The following PCDHGA4 variants were observed in gnomAD, a reference collection of about 807,000 sequenced individuals.
The protein encoded by PCDHGA4 is protocadherin gamma-A4.
PCDHGA4 carries 38 observed loss-of-function variants against 54.6 expected under a neutral mutation model. That is an observed-to-expected ratio of 0.70 (90% CI 0.54 to 0.91). The LOEUF (loss-of-function observed/expected upper bound fraction) is 0.91. PCDHGA4 is among the 40% of genes least tolerant of loss of function. The probability of loss-of-function intolerance (pLI) is 0.00; values close to 1 mark genes in which losing one functional copy is unlikely to be tolerated. For synonymous variants in PCDHGA4, 511 were observed against 512.9 expected (o/e 1.00, Z 0.05); for missense variants, 1,298 against 1,220.9 (o/e 1.06, Z -0.94).
intron 1 of PCDHGA4, chr5:141,391,295 G>A (rs1373471979): frequency 6.6e-6 from 1 of 151,134 alleles, no homozygotes; most frequent in Non-Finnish European, 1.5e-5. Context: ...AGAAGGAAAC[G>A]TCTTTCGATT....
intron 1 of PCDHGA4, chr5:141,361,534 C>T (rs1251295002): frequency 2.5e-6 from 4 of 1,614,058 alleles, no homozygotes; most frequent in Non-Finnish European, 2.5e-6. Flanking sequence ...GAACAATCCT[C>T]CTGGCGCCTC....
intron 2 of PCDHGA4, among the ~76,000 whole-genome samples, chr5:141,499,133 T>C (rs1443866975): frequency 6.6e-6 from 1 of 152,184 alleles, no homozygotes; most frequent in East Asian, 1.9e-4. Context: ...GGTCATCCTT[T>C]GGGTGTCTGA....
intron 2 of PCDHGA4, among the ~76,000 whole-genome samples, chr5:141,495,233 A>G (rs1226612093): frequency 1.3e-5 from 2 of 152,196 alleles, no homozygotes; most frequent in African/African-American, 4.8e-5. Flanking sequence ...GCTGGGCTCC[A>G]TTATGACCTG....
chr5:141,431,036 G>A lies in PCDHGA4; in HGVS notation c.2515-63771G>A. The A allele has an allele frequency of 6.2e-7, 1 of 1,614,204 alleles. No individual in the cohort carries two copies. Among genetic ancestry groups the A allele is most frequent in the Non-Finnish European group, 8.5e-7 (1 of 1,180,034 alleles). ...GGTCACGGCGGGCAGGATAGACCGG[G>A]AGGAGCTCTGTATGGGGGCCATCAA... On this transcript the variant is annotated intron_variant, in intron 1 of 3. Coordinates refer to ENST00000571252, the MANE Select transcript of PCDHGA4 (RefSeq NM_018917.4). This position sits in a 1 kb window ranked among gnomAD's most constrained non-coding sequence, Gnocchi z 4.8.
At chr5:141,370,392 G>C (rs773955179) in intron 1 of PCDHGA4, 2 of 1,544,790 alleles carry the variant, frequency 1.3e-6, no homozygotes, top group Non-Finnish European at 1.7e-6. Flanking sequence ...CGCAGAGAGC[G>C]GGATGGGAAA....
intron 1 of PCDHGA4, chr5:141,376,115 C>A: frequency 1.2e-6 from 2 of 1,613,870 alleles, no homozygotes; most frequent in Non-Finnish European, 8.5e-7. Flanking sequence ...CCTGGGCAGC[C>A]TCGAGCCCTC....
chr5:141,377,395 C>T (rs1468880998), intron 1 of PCDHGA4: 1 of 151,984 alleles, frequency 6.6e-6, no homozygotes, highest in Non-Finnish European at 1.5e-5. Context: ...CCCTTGAGAC[C>T]AGGAGTTTGA....
At chr5:141,480,649 C>A (rs2099522804) in intron 1 of PCDHGA4, among the ~76,000 whole-genome samples, 1 of 152,184 alleles carries the variant, frequency 6.6e-6, no homozygotes, top group Non-Finnish European at 1.5e-5. Flanking sequence ...AACTTGGTTG[C>A]ACATTAAAAT....
At chr5:141,368,236 C>G (rs1444187989) in intron 1 of PCDHGA4, among the ~76,000 whole-genome samples, 1 of 152,160 alleles carries the variant, frequency 6.6e-6, no homozygotes, top group Non-Finnish European at 1.5e-5. Context: ...CTACATTACT[C>G]AACCACATGA....
At position 141,488,726 on chromosome 5, in the gene PCDHGA4, G is replaced by A. The variant is rs1562126303; in HGVS notation, c.2515-6081G>A. 2.0e-5 allele frequency among the ~76,000 whole-genome samples: 3 copies of A among 152,194 alleles called. No homozygotes were observed. The South Asian group carries it at 6.2e-4, about 32-fold the overall frequency. ...TGCTGGTTCAAGCAAAGTGGTGGAA[G>A]CTTCTGAAGTCATGCAGGAAGTTGC... On this transcript the variant is annotated intron_variant, in intron 1 of 3. Transcript: ENST00000571252.
intron 1 of PCDHGA4, chr5:141,395,603 G>C: frequency 5.0e-6 from 1 of 198,204 alleles, no homozygotes; most frequent in Non-Finnish European, 1.0e-5. Context: ...TCCCAAACTA[G>C]AACTTCAGAA....
intron 1 of PCDHGA4, chr5:141,378,932 C>T (rs1274056612): frequency 1.2e-4 from 18 of 152,100 alleles, no homozygotes; most frequent in Admixed American, 1.2e-3. Context: ...AAGTTGATGG[C>T]CCTGGAATGA....
At chr5:141,509,268 G>A (rs2099875959) in intron 3 of PCDHGA4, among the ~76,000 whole-genome samples, 1 of 152,150 alleles carries the variant, frequency 6.6e-6, no homozygotes, top group South Asian at 2.1e-4. Flanking sequence ...AGTCACTCTC[G>A]CTACCCGCTC....
In PCDHGA4 at chr5:141,485,429, A is replaced by T. The variant is rs1388904857; in HGVS notation, c.2515-9378A>T. On this transcript the variant is annotated intron_variant, in intron 1 of 3. Transcript: ENST00000571252. This position sits in a 1 kb window ranked among gnomAD's most constrained non-coding sequence, Gnocchi z 5.7. Reference sequence around the variant, plus strand: ...GGATTTGGACAGCGGAGCCCTGCTCATCAAGAACCCAATCGACCGAGAGGC... The same window carrying T: ...GGATTTGGACAGCGGAGCCCTGCTCTTCAAGAACCCAATCGACCGAGAGGC... The T allele has an allele frequency of 6.2e-7, 1 of 1,614,090 alleles. No homozygotes were observed. Among genetic ancestry groups the T allele is most frequent in the Non-Finnish European group, 8.5e-7 (1 of 1,180,052 alleles).
intron 1 of PCDHGA4, among the ~76,000 whole-genome samples, chr5:141,481,790 A>C (rs2154579313): frequency 6.6e-6 from 1 of 152,222 alleles, no homozygotes; most frequent in East Asian, 1.9e-4. Flanking sequence ...CGTCTCTACT[A>C]AAAATACAAA....
chr5:141,464,063 A>G (rs893270944), intron 1 of PCDHGA4, among the ~76,000 whole-genome samples: 2 of 152,016 alleles, frequency 1.3e-5, no homozygotes, highest in Non-Finnish European at 2.9e-5. Flanking sequence ...TCAGGAGTTC[A>G]AGGCCAGCCT....
chr5:141,424,962 C>G (rs1018789700), intron 1 of PCDHGA4, among the ~76,000 whole-genome samples: 2 of 152,116 alleles, frequency 1.3e-5, no homozygotes, highest in Admixed American at 6.6e-5. Flanking sequence ...GTATTTGCCC[C>G]AAATTACTTG....
At chr5:141,374,619 C>G in intron 1 of PCDHGA4, 2 of 1,613,466 alleles carry the variant, frequency 1.2e-6, no homozygotes, top group Non-Finnish European at 1.7e-6. Flanking sequence ...AGTCACTTCT[C>G]AGTGGACGTG....
Position 141,491,965 on chromosome 5 carries a change from G to A in PCDHGA4, c.2515-2842G>A. 1 of 946,810 alleles carries A rather than the reference G, an allele frequency of 1.1e-6. No individual in the cohort carries two copies. Among genetic ancestry groups the A allele is most frequent in the Non-Finnish European group, 1.5e-6 (1 of 672,398 alleles). 58.7% of individuals were successfully genotyped at this position (946,810 alleles called of 1,614,324 possible). On this transcript the variant is annotated intron_variant, in intron 1 of 3. Coordinates refer to ENST00000571252, the MANE Select transcript of PCDHGA4 (RefSeq NM_018917.4). The surrounding 1 kb of genome is among the most constrained non-coding windows in gnomAD (Gnocchi z 6.9). ...CCCACCCCTACACTCAAAAAAGGCC[G>A]GGGCCTCCTTCGAGCTTCCGGTGAA...
Sources: allele counts gnomAD v4.1 joint callset (sites outside exome capture counted in the v4.1 genomes callset), GRCh38; gene constraint gnomAD v4.1.1; non-coding constraint Gnocchi (gnomAD v3.1); transcripts MANE v1.5; gene names NCBI Gene and HGNC (gene_info 2026-07-23, HGNC 2026-07-21).